Variants in RASGEF1A observed in about 807,000 individuals in gnomAD.
RASGEF1A encodes RasGEF domain family member 1A, also known as ras-GEF domain-containing family member 1A.
RASGEF1A carries 18 observed loss-of-function variants against 56.4 expected under a neutral mutation model. The observed-to-expected ratio is 0.32, with a 90% CI of 0.22 to 0.47. RASGEF1A has a LOEUF of 0.47. Among genes scored for constraint, RASGEF1A ranks in the 20% least tolerant of loss-of-function variants. The pLI, the probability that RASGEF1A is intolerant of heterozygous loss-of-function variation, is 1.00. For synonymous variants in RASGEF1A, 245 were observed against 242.6 expected, an observed-to-expected ratio of 1.01 and a Z score of -0.09; for missense variants, 422 against 627.1, an observed-to-expected ratio of 0.67 and a Z score of 3.49.
chr10:43,230,657 C>G (rs1840354521), intron 1 of RASGEF1A, among the ~76,000 whole-genome samples: 1 of 152,156 alleles, frequency 6.6e-6, no homozygotes, highest in Non-Finnish European at 1.5e-5. Context: ...GCTCTGACAA[C>G]TCTGGAGAGC....
At chr10:43,258,692 C>G (rs567652331) in intron 1 of RASGEF1A, among the ~76,000 whole-genome samples, 4 of 152,248 alleles carry the variant, frequency 2.6e-5, no homozygotes, top group African/African-American at 7.2e-5. Flanking sequence ...CAGGCCAGCC[C>G]CTAGGAGCAG....
intron 1 of RASGEF1A, 115 bp from the exon 2 acceptor site, chr10:43,206,237 C>T (rs906361812): frequency 2.2e-5 from 19 of 876,944 alleles, no homozygotes; most frequent in African/African-American, 8.4e-5. Context: ...GTGGCAGGGG[C>T]GCAGCGGCAC....
At chr10:43,243,028 A>C (rs1348865172) in intron 1 of RASGEF1A, among the ~76,000 whole-genome samples, 169 of 93,950 alleles carry the variant, frequency 1.8e-3, no homozygotes, top group Non-Finnish European at 1.9e-3. Flanking sequence ...TGCCCGCCCG[A>C]CCCATCTGGG....
At chr10:43,218,679 T>G (rs935699661) in intron 1 of RASGEF1A, among the ~76,000 whole-genome samples, 2 of 152,234 alleles carry the variant, frequency 1.3e-5, no homozygotes, top group African/African-American at 4.8e-5. Flanking sequence ...GATTTACCTT[T>G]GTGAACCTTC....
chr10:43,250,642 A>AG (rs145348612), intron 1 of RASGEF1A, among the ~76,000 whole-genome samples: 25,312 of 151,756 alleles, frequency 0.17, 2,694 homozygotes, highest in East Asian at 0.51. Context: ...CCGAAGGGGA[A>AG]GGGGGGGGTC....
intron 1 of RASGEF1A, among the ~76,000 whole-genome samples, chr10:43,235,246 T>C (rs896017873): frequency 6.6e-6 from 1 of 152,212 alleles, no homozygotes; most frequent in Non-Finnish European, 1.5e-5. Flanking sequence ...CCAGCATACC[T>C]GGGCAGGAGC....
chr10:43,265,720 ATCAAG>A (rs1564546957), intron 1 of RASGEF1A, among the ~76,000 whole-genome samples: 1 of 152,246 alleles, frequency 6.6e-6, no homozygotes, highest in African/African-American at 2.4e-5. Context: ...TGGTTCACGA[ATCAAG>A]ACCTGTAGCC....
rs1839793233 is a variant in RASGEF1A at position 43,196,135 on chromosome 10, T to C, written c.*109A>G. ...CCATTTTTTTCTCATAAAAGTTATA[T>C]ACAAAATGGACCCCAACCAGTGAGG... On this transcript the variant is annotated 3_prime_UTR_variant, in exon 13 of 13. Coordinates refer to ENST00000395810, the MANE Select transcript of RASGEF1A (RefSeq NM_145313.4). This position sits in a 1 kb window ranked among gnomAD's most constrained non-coding sequence, Gnocchi z 4.6. 1 of 1,028,050 alleles carries C rather than the reference T, an allele frequency of 9.7e-7. No homozygotes were observed. Among genetic ancestry groups the C allele is most frequent in the Admixed American group, 2.2e-5 (1 of 44,490 alleles). The allele number at this position is 1,028,050 out of a possible 1,614,324, so 63.7% of individuals were successfully genotyped here.
intron 1 of RASGEF1A, among the ~76,000 whole-genome samples, chr10:43,247,980 C>T (rs1181567079): frequency 6.6e-6 from 1 of 151,252 alleles, no homozygotes; most frequent in African/African-American, 2.4e-5. Context: ...GGGAGGATCA[C>T]TTGAGCTCAG....
intron 1 of RASGEF1A, among the ~76,000 whole-genome samples, chr10:43,241,773 A>T (rs558523750): frequency 6.6e-6 from 1 of 152,332 alleles, no homozygotes; most frequent in East Asian, 1.9e-4. Flanking sequence ...GAGTTAAAAA[A>T]AAAAACATGA....
chr10:43,239,421 C>T (rs1840476245), intron 1 of RASGEF1A, among the ~76,000 whole-genome samples: 1 of 152,150 alleles, frequency 6.6e-6, no homozygotes. Context: ...ACCCTCTCTT[C>T]CATAAACGCA....
rs372680165 is a variant in RASGEF1A, at chr10:43,229,582, G to A, written c.-6-23460C>T. On this transcript the variant is annotated intron_variant, in intron 1 of 12. Coordinates refer to ENST00000395810, the MANE Select transcript of RASGEF1A (RefSeq NM_145313.4). ...GGACCGTCGCACCCCTCCCGAGCCC[G>A]ACAGCGCAAGAACCCTGCCCCGCGG... is the stretch of plus-strand genomic sequence containing the variant. 9.1e-5 allele frequency: 129 copies of A among 1,422,838 alleles called. 1 individual carries two copies. Among genetic ancestry groups the A allele is most frequent in the East Asian group, 5.3e-4 (18 of 34,284 alleles). The allele number at this position is 1,422,838 out of a possible 1,614,324, so 88.1% of individuals were successfully genotyped here.
At position 43,195,679 on chromosome 10, in the gene RASGEF1A, A is replaced by G. The variant is rs1839785748; in HGVS notation, c.*565T>C. The G allele has an allele frequency of 6.6e-6, 1 of 152,652 alleles. No homozygotes were observed. The highest frequency in any genetic ancestry group is 1.5e-5 in the Non-Finnish European group (1 of 68,062). The allele number at this position is 152,652 out of a possible 1,614,324, so 9.5% of individuals were successfully genotyped here. Reference sequence around the variant, plus strand: ...TTGGACAGCCCGTACTCAAAGGCTCACTTCCAGAAGTGTGCGGACGCGACC... The same window carrying G: ...TTGGACAGCCCGTACTCAAAGGCTCGCTTCCAGAAGTGTGCGGACGCGACC... On this transcript the variant is annotated 3_prime_UTR_variant, in exon 13 of 13. Transcript: ENST00000395810. This position sits in a 1 kb window ranked among gnomAD's most constrained non-coding sequence, Gnocchi z 4.2.
Position 43,198,076 on chromosome 10 carries a change from G to C in RASGEF1A, c.1152C>G (p.Leu384=). The C allele has an allele frequency of 6.2e-7, 1 of 1,614,202 alleles. No individual in the cohort carries two copies. The highest frequency in any genetic ancestry group is 8.5e-7 in the Non-Finnish European group (1 of 1,179,994). The change falls in exon 10 of 13, where the codon CTC becomes CTG. Residue 384 remains leucine, a synonymous_variant. Coordinates refer to ENST00000395810, the MANE Select transcript of RASGEF1A (RefSeq NM_145313.4). ...REKIVIPVFN[L]FVKDIYFLHK... is the part of the protein sequence containing the mutation. ...GCAGGAAGTAGATGTCCTTAACGAA[G>C]AGGTTGAACACAGGGATGACGATCT... is the stretch of plus-strand genomic sequence containing the variant.
chr10:43,259,459 C>A (rs1836488452), intron 1 of RASGEF1A, among the ~76,000 whole-genome samples: 1 of 152,172 alleles, frequency 6.6e-6, no homozygotes, highest in Admixed American at 6.5e-5. Context: ...AACTCCCCTG[C>A]CTCAGAGGGA....
At chr10:43,252,625 A>G (rs1351025970) in intron 1 of RASGEF1A, among the ~76,000 whole-genome samples, 2 of 152,110 alleles carry the variant, frequency 1.3e-5, no homozygotes, top group African/African-American at 2.4e-5. Flanking sequence ...TGTGAGGCAG[A>G]CACAGTGCAC....
intron 3 of RASGEF1A, among the ~76,000 whole-genome samples, chr10:43,202,204 G>A (rs1287477892): frequency 6.6e-6 from 1 of 152,174 alleles, no homozygotes; most frequent in Non-Finnish European, 1.5e-5. Flanking sequence ...CCATCTCTAA[G>A]GTGACAAAAA....
At chr10:43,262,398 G>T (rs1251204062) in intron 1 of RASGEF1A, among the ~76,000 whole-genome samples, 1 of 152,126 alleles carries the variant, frequency 6.6e-6, no homozygotes, top group African/African-American at 2.4e-5. Flanking sequence ...CACCCCCCAG[G>T]ATTCCTTCCT....
At chr10:43,210,936 G>A (rs1440261609) in intron 1 of RASGEF1A, among the ~76,000 whole-genome samples, 1 of 141,180 alleles carries the variant, frequency 7.1e-6, no homozygotes, top group African/African-American at 2.7e-5. Flanking sequence ...GGGAGTTGGG[G>A]ACAGGCTTGC....
Sources: allele counts gnomAD v4.1 joint callset (sites outside exome capture counted in the v4.1 genomes callset), GRCh38; gene constraint gnomAD v4.1.1; non-coding constraint Gnocchi (gnomAD v3.1); transcripts MANE v1.5; gene names NCBI Gene and HGNC (gene_info 2026-07-23, HGNC 2026-07-21).